LRP1B: variants seen among roughly 807,000 people sequenced by gnomAD.
LRP1B encodes LDL receptor related protein 1B, also known as low-density lipoprotein receptor-related protein 1B.
Under a neutral mutation model 556.6 loss-of-function variants are expected in LRP1B, and 217 were observed. That is an observed-to-expected ratio of 0.39 (90% CI 0.35 to 0.44). LRP1B has a LOEUF of 0.44. LRP1B is among the 20% of genes least tolerant of loss of function. The pLI, the probability that LRP1B is intolerant of heterozygous loss-of-function variation, is 1.00. For synonymous variants in LRP1B, 2,047 were observed against 1,865.8 expected, an observed-to-expected ratio of 1.10 and a Z score of -2.50; for missense variants, 5,053 against 5,620.8, an observed-to-expected ratio of 0.90 and a Z score of 3.23.
chr2:141,814,175 C>T (rs569417218), intron 1 of LRP1B, among the ~76,000 whole-genome samples: 7 of 152,178 alleles, frequency 4.6e-5, no homozygotes, highest in South Asian at 4.2e-4. Context: ...GAGTACAAAA[C>T]GGGACAAAGG....
chr2:140,537,679 C>T (rs2380885), intron 45 of LRP1B, among the ~76,000 whole-genome samples: 17,516 of 151,476 alleles, frequency 0.12, 1,379 homozygotes, highest in Admixed American at 0.21. Flanking sequence ...TCCAGATGAC[C>T]GCTGTCAGAA....
At chr2:140,603,466 C>T (rs936078063) in intron 41 of LRP1B, among the ~76,000 whole-genome samples, 1 of 152,060 alleles carries the variant, frequency 6.6e-6, no homozygotes, top group African/African-American at 2.4e-5. Context: ...CGCCTTTCAT[C>T]GTTCACAAAT....
intron 1 of LRP1B, among the ~76,000 whole-genome samples, chr2:141,954,971 C>T (rs1448408540): frequency 6.6e-6 from 1 of 152,010 alleles, no homozygotes; most frequent in African/African-American, 2.4e-5. Context: ...GTCGGTGTTC[C>T]CATTGCCCAA....
At chr2:142,035,184 C>A (rs886411777) in intron 1 of LRP1B, among the ~76,000 whole-genome samples, 1 of 151,626 alleles carries the variant, frequency 6.6e-6, no homozygotes, top group African/African-American at 2.4e-5. Context: ...ATATTAGTCG[C>A]AAAGATGCTG....
At chr2:141,517,768 AT>A (rs1190165260) in intron 2 of LRP1B, among the ~76,000 whole-genome samples, 2 of 152,212 alleles carry the variant, frequency 1.3e-5, no homozygotes, top group African/African-American at 4.8e-5. Flanking sequence ...AAGATGTTTC[AT>A]TTATATCTAG....
At chr2:141,790,717 T>C (rs1695583891) in intron 2 of LRP1B, among the ~76,000 whole-genome samples, 1 of 152,010 alleles carries the variant, frequency 6.6e-6, no homozygotes, top group African/African-American at 2.4e-5. Flanking sequence ...AACAAACCAG[T>C]CCATATTTTT....
chr2:140,270,651 G>A (rs928796990), intron 85 of LRP1B, among the ~76,000 whole-genome samples: 1 of 151,884 alleles, frequency 6.6e-6, no homozygotes, highest in Non-Finnish European at 1.5e-5. Flanking sequence ...ACACTTCTGG[G>A]AGACATTAGC....
chr2:141,342,223 G>C (rs1688090224), intron 3 of LRP1B, among the ~76,000 whole-genome samples: 1 of 139,864 alleles, frequency 7.1e-6, no homozygotes, highest in African/African-American at 2.7e-5. Context: ...CAGCCAGGGT[G>C]ACAGAGTGAG....
chr2:141,602,218 T>G (rs1259241954), intron 2 of LRP1B, among the ~76,000 whole-genome samples: 1 of 152,176 alleles, frequency 6.6e-6, no homozygotes, highest in African/African-American at 2.4e-5. Flanking sequence ...TGCAATAGTA[T>G]TCTGAGAAAC....
chr2:142,115,556 ATATATGTAATATATAT>A (rs1217199785), intron 1 of LRP1B, among the ~76,000 whole-genome samples: 647 of 56,246 alleles, frequency 0.012, 75 homozygotes, highest in African/African-American at 0.045. Flanking sequence ...TATATATATT[ATATATGTAATATATAT>A]TATATATGTA....
At chr2:141,457,212 T>C (rs1167891791) in intron 3 of LRP1B, among the ~76,000 whole-genome samples, 1 of 152,150 alleles carries the variant, frequency 6.6e-6, no homozygotes, top group Non-Finnish European at 1.5e-5. Context: ...GGAAAGGAAA[T>C]ATTCTTGTGT....
chr2:141,153,336 TAA>T (rs1701975324), intron 7 of LRP1B, among the ~76,000 whole-genome samples: 1 of 107,718 alleles, frequency 9.3e-6, no homozygotes, highest in Non-Finnish European at 1.8e-5. Flanking sequence ...ATTTATATAA[TAA>T]TATATTATAT....
chr2:141,388,092 A>T (rs560411226), intron 3 of LRP1B, among the ~76,000 whole-genome samples: 9 of 152,222 alleles, frequency 5.9e-5, no homozygotes, highest in African/African-American at 2.2e-4. Context: ...ACACATAATC[A>T]TTTCAACTGA....
chr2:140,876,918 A>C (rs1013816958), intron 25 of LRP1B, among the ~76,000 whole-genome samples: 7 of 152,180 alleles, frequency 4.6e-5, no homozygotes, highest in African/African-American at 1.7e-4. Flanking sequence ...AAAGAATAAT[A>C]ATGTTTCAAA....
At chr2:141,737,189 T>C (rs1693505123) in intron 2 of LRP1B, among the ~76,000 whole-genome samples, 1 of 152,056 alleles carries the variant, frequency 6.6e-6, no homozygotes, top group Admixed American at 6.5e-5. Context: ...CTGTCTCTAC[T>C]AAAAACACAA....
chr2:141,661,190 T>A (rs1484272295), intron 2 of LRP1B, among the ~76,000 whole-genome samples: 1 of 152,056 alleles, frequency 6.6e-6, no homozygotes, highest in Non-Finnish European at 1.5e-5. Flanking sequence ...GCCTCAAAGA[T>A]CGAAGCTAGA....
intron 66 of LRP1B, among the ~76,000 whole-genome samples, chr2:140,425,066 CACTG>C (rs1161716315): frequency 2.7e-5 from 4 of 149,028 alleles, no homozygotes; most frequent in Admixed American, 6.7e-5. Flanking sequence ...TTTTTTTTAT[CACTG>C]ACTATGTTTA....
At chr2:142,117,051 G>A (rs1283708164) in intron 1 of LRP1B, among the ~76,000 whole-genome samples, 1 of 151,918 alleles carries the variant, frequency 6.6e-6, no homozygotes, top group East Asian at 1.9e-4. Context: ...ATGTGTGTGT[G>A]ACATTGTAAT....
chr2:140,579,488 C>T (rs1681671580), intron 43 of LRP1B, among the ~76,000 whole-genome samples: 1 of 152,138 alleles, frequency 6.6e-6, no homozygotes, highest in Admixed American at 6.5e-5. Context: ...ATCTCCACAC[C>T]CTGAAAGCTG....
Sources: allele counts gnomAD v4.1 joint callset (sites outside exome capture counted in the v4.1 genomes callset), GRCh38; gene constraint gnomAD v4.1.1; transcripts MANE v1.5; gene names NCBI Gene and HGNC (gene_info 2026-07-23, HGNC 2026-07-21).